HNRNPL: variants seen among roughly 807,000 people sequenced by gnomAD.
HNRNPL encodes the protein epididymis secretory sperm binding protein.
HNRNPL carries 12 observed loss-of-function variants against 64.0 expected under a neutral mutation model. The ratio of observed to expected loss-of-function variants is 0.19; its 90% CI spans 0.12 to 0.30. HNRNPL has a LOEUF of 0.30. HNRNPL is among the 10% of genes least tolerant of loss of function. HNRNPL has a pLI of 1.00. For synonymous variants in HNRNPL, 385 were observed against 313.0 expected (o/e 1.23, Z -2.43); for missense variants, 484 against 797.4 (o/e 0.61, Z 4.73).
intron 12 of HNRNPL, 22 bp from the exon 13 acceptor site, chr19:38,836,802 G>C (rs200624310): frequency 2.4e-5 from 38 of 1,598,480 alleles, no homozygotes; most frequent in Non-Finnish European, 2.9e-5. Context: ...AGACAAGTTT[G>C]GTTGGTTCCC....
chr19:38,836,598 TAAAA>T lies in HNRNPL; in HGVS notation c.*120_*123del, dbSNP rs35433653. On this transcript the variant is annotated 3_prime_UTR_variant, in exon 13 of 13. Transcript: ENST00000221419. ...AGTAAGCCTCTACAAACCTAGCATT[TAAAA>T]AAAAAAAAAAAAAAAAAAAAAAGGA... 0.035 allele frequency: 4,750 copies of T among 135,852 alleles called. 5 individuals are homozygous for T. The highest frequency in any genetic ancestry group is 0.063 in the Middle Eastern group (22 of 350). The allele number at this position is 135,852 out of a possible 1,614,324, so 8.4% of individuals were successfully genotyped here. A position where few individuals can be genotyped will look rare whatever the true frequency, so the allele number is the denominator to read the frequency against.
At chr19:38,847,913 G>C (rs1459658526) in intron 1 of HNRNPL, among the ~76,000 whole-genome samples, 2 of 152,062 alleles carry the variant, frequency 1.3e-5, no homozygotes, top group African/African-American at 4.8e-5. Context: ...ATCTAGCTAA[G>C]CACACCTGTT....
chr19:38,849,645 T>G, intron 1 of HNRNPL, 55 bp downstream of exon 1: 3 of 1,302,402 alleles, frequency 2.3e-6, no homozygotes, highest in Non-Finnish European at 2.9e-6. Flanking sequence ...GCCCTCAAGC[T>G]GGGAAATTGT....
chr19:38,843,455 C>T (rs987925720), intron 6 of HNRNPL: 5 of 229,702 alleles, frequency 2.2e-5, no homozygotes, highest in Non-Finnish European at 3.5e-5. Context: ...AAATCAGACC[C>T]TCTCAACAGC....
chr19:38,842,569 G>A (rs1005338056), intron 6 of HNRNPL, among the ~76,000 whole-genome samples: 3 of 152,088 alleles, frequency 2.0e-5, no homozygotes, highest in Admixed American at 6.6e-5. Context: ...TCAAGTCTGC[G>A]GCTGTTTCTG....
Position 38,843,855 on chromosome 19 carries a change from A to G in HNRNPL, c.867T>C (p.Asn289=). The change falls in exon 6 of 13, where the codon AAT becomes AAC. Residue 289 remains asparagine, a synonymous_variant. Transcript: ENST00000221419. ...DQDTWDYTNP[N]LSGQGDPGSN... ...CGTCAAGATTACCTTGTCCACTGAG[A>G]TTGGGGTTTGTGTAGTCCCAAGTAT... The G allele has an allele frequency of 1.2e-6, 2 of 1,613,900 alleles. No homozygotes were observed. Among genetic ancestry groups the G allele is most frequent in the Non-Finnish European group, 1.7e-6 (2 of 1,179,760 alleles).
intron 4 of HNRNPL, chr19:38,845,439 A>G: frequency 1.7e-6 from 1 of 587,960 alleles, no homozygotes; most frequent in Non-Finnish European, 3.0e-6. Flanking sequence ...ATCTCCCAAC[A>G]CACTGCTCTC....
rs1347333638 is a variant in HNRNPL, at chr19:38,843,833, C to G, written c.880+9G>C. On this transcript the variant is annotated intron_variant, in intron 6 of 12. Transcript: ENST00000221419. ...GGTATGTTTAGAACAAAGTGGTCGT[C>G]AAGATTACCTTGTCCACTGAGATTG... is the stretch of plus-strand genomic sequence containing the variant. 1.9e-6 allele frequency: 3 copies of G among 1,611,814 alleles called. No individual in the cohort carries two copies. The highest frequency in any genetic ancestry group is 2.5e-6 in the Non-Finnish European group (3 of 1,177,852).
intron 1 of HNRNPL, among the ~76,000 whole-genome samples, chr19:38,848,881 C>T (rs1037201643): frequency 3.9e-5 from 6 of 152,182 alleles, no homozygotes; most frequent in African/African-American, 1.2e-4. Flanking sequence ...ACTCGTAACC[C>T]CTAAACCCTG....
intron 6 of HNRNPL, chr19:38,841,145 T>G (rs919450631): frequency 2.7e-5 from 6 of 221,118 alleles, no homozygotes; most frequent in African/African-American, 1.2e-4. Context: ...TCAGTTCAAA[T>G]AAGCAATCAT....
intron 1 of HNRNPL, 116 bp downstream of exon 1, chr19:38,849,583 AC>A: frequency 8.0e-7 from 1 of 1,248,932 alleles, no homozygotes; most frequent in Non-Finnish European, 1.0e-6. Context: ...CACACCGTCA[AC>A]GACGCGATGG....
chr19:38,845,401 AAAC>A, intron 4 of HNRNPL: 1 of 491,544 alleles, frequency 2.0e-6, no homozygotes, highest in Non-Finnish European at 3.6e-6. Context: ...AACAGAAAGA[AAAC>A]AAAAAGAAAA....
chr19:38,840,569 G>T lies in HNRNPL; in HGVS notation c.881-10C>A. 1 of 1,574,396 alleles carries T rather than the reference G, an allele frequency of 6.4e-7. No homozygotes were observed. The highest frequency in any genetic ancestry group is 1.3e-5 in the African/African-American group (1 of 74,112). ...TTGCTGCCAGGGTCACCTGTGGAGA[G>T]AGAAAACAGTTAGGAGTCTCACTCA... On this transcript the variant is annotated splice_polypyrimidine_tract_variant and intron_variant, in intron 6 of 12. Coordinates refer to ENST00000221419, the MANE Select transcript of HNRNPL (RefSeq NM_001533.3).
intron 2 of HNRNPL, among the ~76,000 whole-genome samples, chr19:38,846,426 G>A (rs191381282): frequency 5.9e-5 from 9 of 152,304 alleles, no homozygotes; most frequent in Middle Eastern, 3.4e-3. Context: ...GCTCACTACT[G>A]TATTTGCAGT....
In HNRNPL at chr19:38,837,645, C is replaced by G; in HGVS notation, c.1564G>C (p.Asp522His). ...GATGGCCGCTTCACTCCCAGCTCAT[C>G]GCAGATCTGCAAAAGAAAACAGGTA... Reference protein sequence around the residue: ...VTEENFFEICDELGVKRPSSV... With the variant: ...VTEENFFEICHELGVKRPSSV... Residue 522 changes from aspartate (D) to histidine (H), a missense_variant, in exon 11 of 13, where the codon GAT (aspartate) becomes CAT (histidine). Around this residue, in one of 9 missense-constraint regions of HNRNPL, gnomAD observed 69 missense variants for 91.8 expected, o/e 0.75. Coordinates refer to ENST00000221419, the MANE Select transcript of HNRNPL (RefSeq NM_001533.3). The G allele has an allele frequency of 6.2e-7, 1 of 1,614,180 alleles. No homozygotes were observed. The highest frequency in any genetic ancestry group is 8.5e-7 in the Non-Finnish European group (1 of 1,180,024).
chr19:38,840,003 G>A, intron 8 of HNRNPL, 93 bp downstream of exon 8: 1 of 1,250,104 alleles, frequency 8.0e-7, no homozygotes, highest in Non-Finnish European at 1.2e-6. Flanking sequence ...TGCCCGCCCA[G>A]CGCCACACCA....
intron 4 of HNRNPL, 27 bp from the exon 5 acceptor site, chr19:38,844,131 C>G (rs1352617194): frequency 1.4e-6 from 2 of 1,478,002 alleles, no homozygotes; most frequent in Non-Finnish European, 1.9e-6. Flanking sequence ...AAAGTCCCAT[C>G]ACAGGAGATC....
At chr19:38,841,541 G>A (rs1402137383) in intron 6 of HNRNPL, 1 of 656,368 alleles carries the variant, frequency 1.5e-6, no homozygotes, top group East Asian at 6.6e-5. Context: ...AAATGGAAAA[G>A]GACTACTTAC....
Position 38,840,396 on chromosome 19 carries a change from G to A in HNRNPL, c.953-20C>T. ...GCCCTCCTGGGGGGTGGGAAGGAAAGAGAGGGAGGACGGGTGAGAATTTGC... is the reference window on the plus strand; with the variant it reads ...GCCCTCCTGGGGGGTGGGAAGGAAAAAGAGGGAGGACGGGTGAGAATTTGC... On this transcript the variant is annotated intron_variant, in intron 7 of 12. Coordinates refer to ENST00000221419, the MANE Select transcript of HNRNPL (RefSeq NM_001533.3). 1.9e-6 allele frequency: 3 copies of A among 1,565,572 alleles called. No individual in the cohort carries two copies. The highest frequency in any genetic ancestry group is 2.6e-6 in the Non-Finnish European group (3 of 1,155,054).
Sources: allele counts gnomAD v4.1 joint callset (sites outside exome capture counted in the v4.1 genomes callset), GRCh38; gene constraint gnomAD v4.1.1; regional missense constraint gnomAD v4.1.1; transcripts MANE v1.5; gene names NCBI Gene and HGNC (gene_info 2026-07-23, HGNC 2026-07-21).